DLGAP1: variants seen among roughly 807,000 people sequenced by gnomAD.
DLGAP1 encodes the protein DLG associated protein 1.
Under a neutral mutation model 90.8 loss-of-function variants are expected in DLGAP1, and 11 were observed. That is an observed-to-expected ratio of 0.12 (90% CI 0.08 to 0.20). DLGAP1 has a LOEUF of 0.20. DLGAP1 is among the 10% of genes least tolerant of loss of function. DLGAP1 has a pLI of 1.00. For missense variants in DLGAP1, 1,050 were observed against 1,333.8 expected (o/e 0.79, Z 3.31); for synonymous variants, 558 against 540.7 (o/e 1.03, Z -0.44).
In DLGAP1 at chr18:4,199,715, T is replaced by C. The variant is rs569184994; in HGVS notation, c.-266-48428A>G. Among the ~76,000 whole-genome samples, 207 of 152,356 alleles carry C rather than the reference T, an allele frequency of 1.4e-3. 2 individuals carry two copies. Among genetic ancestry groups the C allele is most frequent in the African/African-American group, 4.8e-3 (200 of 41,590 alleles). Reference sequence around the variant, plus strand: ...CTTTAATGGGTTAGCTTTAGGACCATGGAAGAGATAAGAAGAATGCAAGGT... The same window carrying C: ...CTTTAATGGGTTAGCTTTAGGACCACGGAAGAGATAAGAAGAATGCAAGGT... On this transcript the variant is annotated intron_variant, in intron 1 of 12. Coordinates refer to ENST00000315677, the MANE Select transcript of DLGAP1 (RefSeq NM_004746.4).
chr18:4,204,196 G>C (rs1329357203), intron 1 of DLGAP1, among the ~76,000 whole-genome samples: 1 of 152,168 alleles, frequency 6.6e-6, no homozygotes, highest in Non-Finnish European at 1.5e-5. Context: ...AAAACTAGAA[G>C]AGTTTGAATA....
chr18:4,331,020 C>T (rs1568518354), intron 1 of DLGAP1, among the ~76,000 whole-genome samples: 1 of 151,764 alleles, frequency 6.6e-6, no homozygotes, highest in Non-Finnish European at 1.5e-5. Context: ...GAGGCTCTGT[C>T]ATTAGGTGCA....
At chr18:3,531,607 C>T (rs1179606166) in intron 10 of DLGAP1, among the ~76,000 whole-genome samples, 1 of 151,510 alleles carries the variant, frequency 6.6e-6, no homozygotes, top group Non-Finnish European at 1.5e-5. Flanking sequence ...CTCAGCCTCC[C>T]GAGTAGCTGG....
chr18:4,085,319 C>A (rs1017594181), intron 2 of DLGAP1, among the ~76,000 whole-genome samples: 14 of 152,194 alleles, frequency 9.2e-5, no homozygotes, highest in African/African-American at 3.1e-4. Context: ...TGATTATATG[C>A]ATTAGCATCT....
chr18:3,520,404 C>T lies in DLGAP1; in HGVS notation c.2480-11743G>A, dbSNP rs527814503. On this transcript the variant is annotated intron_variant, in intron 10 of 12. Transcript: ENST00000315677. ...AGCTAACATAAAATTCCTCTTCTCCCCCTGTTATTCGCTGAATTGCATTTT... is the reference window on the plus strand; with the variant it reads ...AGCTAACATAAAATTCCTCTTCTCCTCCTGTTATTCGCTGAATTGCATTTT... 1.2e-4 allele frequency among the ~76,000 whole-genome samples: 18 copies of T among 152,306 alleles called. No individual in the cohort carries two copies. The South Asian group carries it at 3.5e-3, about 30-fold the overall frequency.
chr18:3,819,770 A>C (rs1192785402), intron 4 of DLGAP1, among the ~76,000 whole-genome samples: 1 of 152,170 alleles, frequency 6.6e-6, no homozygotes, highest in East Asian at 1.9e-4. Flanking sequence ...GCCCCCTTCT[A>C]GCATATTCAT....
At position 3,715,604 on chromosome 18, in the gene DLGAP1, G is replaced by C. The variant is rs982892666; in HGVS notation, c.1591+13531C>G. 6.6e-5 allele frequency among the ~76,000 whole-genome samples: 10 copies of C among 152,090 alleles called. 1 individual carries two copies. Among genetic ancestry groups the C allele is most frequent in the African/African-American group, 2.4e-4 (10 of 41,402 alleles). ...CCAGCACTTCACTTTTCCTATTTTCGAGAGCACTTTCCCTTTCTGAAAACA... is the reference window on the plus strand; with the variant it reads ...CCAGCACTTCACTTTTCCTATTTTCCAGAGCACTTTCCCTTTCTGAAAACA... On this transcript the variant is annotated intron_variant, in intron 7 of 12. Coordinates refer to ENST00000315677, the MANE Select transcript of DLGAP1 (RefSeq NM_004746.4).
chr18:3,977,918 T>C (rs1348280407), intron 3 of DLGAP1: 4 of 357,808 alleles, frequency 1.1e-5, no homozygotes, highest in African/African-American at 2.2e-5. Context: ...GACCAACACG[T>C]TGGTGGTGGA....
chr18:4,046,539 T>A (rs981279), intron 2 of DLGAP1, among the ~76,000 whole-genome samples: 128,320 of 152,316 alleles, frequency 0.84, 54,354 homozygotes, highest in African/African-American at 0.93. Flanking sequence ...ATAGATATCA[T>A]CAAATAATTA....
At chr18:4,331,721 T>A (rs1455997148) in intron 1 of DLGAP1, among the ~76,000 whole-genome samples, 1 of 151,844 alleles carries the variant, frequency 6.6e-6, no homozygotes, top group Non-Finnish European at 1.5e-5. Context: ...TTCCTCCTGG[T>A]CTTTCGGCTT....
At chr18:4,048,003 T>C (rs1383148933) in intron 2 of DLGAP1, among the ~76,000 whole-genome samples, 1 of 152,090 alleles carries the variant, frequency 6.6e-6, no homozygotes, top group Admixed American at 6.6e-5. Context: ...CTCACTACAC[T>C]GCCAGGCTGG....
rs575875712 is a variant in DLGAP1, at chr18:4,224,923, T to G, written c.-266-73636A>C. ...GTGCTGTGCTGGCTTCAGGTCTTAG[T>G]GCATTCACAGTGGTGATGCCCACAG... On this transcript the variant is annotated intron_variant, in intron 1 of 12. Coordinates refer to ENST00000315677, the MANE Select transcript of DLGAP1 (RefSeq NM_004746.4). Among the ~76,000 whole-genome samples the G allele has an allele frequency of 1.3e-5, 2 of 152,258 alleles. 1 individual carries two copies. Among genetic ancestry groups the G allele is most frequent in the South Asian group, 4.1e-4 (2 of 4,826 alleles).
chr18:3,783,733 A>G (rs2065312114), intron 5 of DLGAP1, among the ~76,000 whole-genome samples: 1 of 152,204 alleles, frequency 6.6e-6, no homozygotes, highest in Non-Finnish European at 1.5e-5. Flanking sequence ...AAACCATTGC[A>G]TCGTACACTT....
At chr18:4,050,700 T>C (rs1425011360) in intron 2 of DLGAP1, among the ~76,000 whole-genome samples, 1 of 152,218 alleles carries the variant, frequency 6.6e-6, no homozygotes, top group Non-Finnish European at 1.5e-5. Context: ...AGACAAAAGA[T>C]AACACACAGA....
At chr18:3,687,976 G>A (rs1242255570) in intron 7 of DLGAP1, among the ~76,000 whole-genome samples, 2 of 148,728 alleles carry the variant, frequency 1.3e-5, no homozygotes, top group African/African-American at 2.5e-5. Context: ...GTGCGATCAC[G>A]GCTCACTGCA....
At chr18:4,395,471 C>T (rs1284205321) in intron 1 of DLGAP1, among the ~76,000 whole-genome samples, 1 of 152,150 alleles carries the variant, frequency 6.6e-6, no homozygotes, top group East Asian at 1.9e-4. Flanking sequence ...CCGCGTATTA[C>T]CTATAGCCAG....
At chr18:4,314,684 A>G (rs1391064935) in intron 1 of DLGAP1, among the ~76,000 whole-genome samples, 1 of 152,230 alleles carries the variant, frequency 6.6e-6, no homozygotes, top group East Asian at 1.9e-4. Context: ...GAGTCACACA[A>G]TAAACATTCC....
chr18:3,659,046 T>C (rs567237420), intron 7 of DLGAP1, among the ~76,000 whole-genome samples: 10 of 152,282 alleles, frequency 6.6e-5, no homozygotes, highest in South Asian at 4.1e-4. Context: ...TAGCTCCAAA[T>C]AGACTTCTCT....
intron 7 of DLGAP1, among the ~76,000 whole-genome samples, chr18:3,677,577 A>G (rs1791369): frequency 0.63 from 96,408 of 152,188 alleles, 32,804 homozygotes; most frequent in African/African-American, 0.89. Context: ...ATAGACAGAG[A>G]TCCATGTTTC....
Sources: allele counts gnomAD v4.1 joint callset (sites outside exome capture counted in the v4.1 genomes callset), GRCh38; gene constraint gnomAD v4.1.1; transcripts MANE v1.5; gene names NCBI Gene and HGNC (gene_info 2026-07-23, HGNC 2026-07-21).